The following MCC variants were observed in gnomAD, a reference collection of about 807,000 sequenced individuals.
MCC encodes MCC regulator of Wnt signaling pathway.
Under a neutral mutation model 116.2 loss-of-function variants are expected in MCC, and 90 were observed. That is an observed-to-expected ratio of 0.77 (90% CI 0.65 to 0.92). The LOEUF is 0.92. MCC is among the 40% of genes least tolerant of loss of function. The pLI, the probability that MCC is intolerant of heterozygous loss-of-function variation, is 0.00. For missense variants in MCC, 1,516 were observed against 1,312.2 expected, an observed-to-expected ratio of 1.16 and a Z score of -2.40; for synonymous variants, 578 against 510.5, an observed-to-expected ratio of 1.13 and a Z score of -1.78.
At chr5:113,101,333 C>G (rs1756395185) in intron 8 of MCC, among the ~76,000 whole-genome samples, 1 of 150,562 alleles carries the variant, frequency 6.6e-6, no homozygotes, top group South Asian at 2.1e-4. Context: ...AGAGCAGGTA[C>G]AATAAAGCTA....
intron 1 of MCC, among the ~76,000 whole-genome samples, chr5:113,405,834 TGTA>T (rs1347794667): frequency 6.6e-6 from 1 of 152,120 alleles, no homozygotes; most frequent in Non-Finnish European, 1.5e-5. Context: ...AAAAAAAAGT[TGTA>T]GTTTTGTACC....
At chr5:113,424,452 C>T (rs1770430524) in intron 1 of MCC, among the ~76,000 whole-genome samples, 1 of 152,124 alleles carries the variant, frequency 6.6e-6, no homozygotes, top group South Asian at 2.1e-4. Flanking sequence ...TGATGGCTCA[C>T]ACCTGTAATC....
intron 1 of MCC, among the ~76,000 whole-genome samples, chr5:113,487,308 A>T (rs555510694): frequency 7.9e-5 from 12 of 152,270 alleles, no homozygotes; most frequent in Admixed American, 3.9e-4. Flanking sequence ...TGCACAACTT[A>T]GGCTGCTCCT....
intron 10 of MCC, 65 bp downstream of exon 10, chr5:113,084,036 C>G: frequency 7.8e-7 from 1 of 1,274,766 alleles, no homozygotes; most frequent in Non-Finnish European, 1.1e-6. Context: ...CTTCTGTCAT[C>G]TATAATCCAT....
At chr5:113,219,214 A>G (rs1581267334) in intron 3 of MCC, among the ~76,000 whole-genome samples, 1 of 152,190 alleles carries the variant, frequency 6.6e-6, no homozygotes, top group East Asian at 1.9e-4. Flanking sequence ...TGAAGATTTC[A>G]TTTGAACAAA....
rs753776999 is a variant in MCC at position 113,434,347 on chromosome 5, C to T, written c.171-49135G>A. ...TTGCTTAATGCCATTCGACCACTGTCATCCCGCAGGCAGCGCTTGGAGAAG... is the reference window on the plus strand; with the variant it reads ...TTGCTTAATGCCATTCGACCACTGTTATCCCGCAGGCAGCGCTTGGAGAAG... On this transcript the variant is annotated intron_variant, in intron 1 of 18. Coordinates refer to ENST00000408903, the MANE Select transcript of MCC (RefSeq NM_001085377.2). This position sits in a 1 kb window ranked among gnomAD's most constrained non-coding sequence, Gnocchi z 4.2. The T allele has an allele frequency of 2.5e-6, 4 of 1,613,838 alleles. No individual in the cohort carries two copies. The highest frequency in any genetic ancestry group is 3.4e-6 in the Non-Finnish European group (4 of 1,179,844).
intron 3 of MCC, among the ~76,000 whole-genome samples, chr5:113,197,880 T>C (rs183230913): frequency 4.6e-5 from 7 of 152,288 alleles, no homozygotes; most frequent in Non-Finnish European, 1.0e-4. Flanking sequence ...CTGCGTTCCG[T>C]AAACCCAGGC....
rs1189330647 is a variant in MCC, at chr5:113,022,974, G to A, written c.*4328C>T. ...AGCAAAAATGTATGGTGATCTGCATGTGAAACTGTCTTTCTCTACACAGGT... is the reference window on the plus strand; with the variant it reads ...AGCAAAAATGTATGGTGATCTGCATATGAAACTGTCTTTCTCTACACAGGT... On this transcript the variant is annotated 3_prime_UTR_variant, in exon 19 of 19. Transcript: ENST00000408903. 1 of 152,210 alleles carries A rather than the reference G, an allele frequency of 6.6e-6. No individual in the cohort carries two copies. Among genetic ancestry groups the A allele is most frequent in the East Asian group, 1.9e-4 (1 of 5,200 alleles). 9.4% of individuals were successfully genotyped at this position (152,210 alleles called of 1,614,324 possible).
intron 8 of MCC, among the ~76,000 whole-genome samples, chr5:113,094,139 C>A (rs1287983608): frequency 1.3e-5 from 2 of 152,152 alleles, no homozygotes; most frequent in Non-Finnish European, 2.9e-5. Context: ...TTAGAGCCCT[C>A]AAATAATCAG....
intron 1 of MCC, among the ~76,000 whole-genome samples, chr5:113,476,128 A>T (rs1172700391): frequency 6.6e-6 from 1 of 152,240 alleles, no homozygotes; most frequent in Non-Finnish European, 1.5e-5. Flanking sequence ...TGAACGAATT[A>T]GTTTACAGAT....
At chr5:113,055,897 G>C (rs890114515) in intron 14 of MCC, among the ~76,000 whole-genome samples, 2 of 152,194 alleles carry the variant, frequency 1.3e-5, no homozygotes, top group Non-Finnish European at 2.9e-5. Context: ...TCCCCCAAAA[G>C]GGAAAAAATT....
At chr5:113,175,023 A>G (rs1485166600) in intron 3 of MCC, among the ~76,000 whole-genome samples, 1 of 152,184 alleles carries the variant, frequency 6.6e-6, no homozygotes, top group Non-Finnish European at 1.5e-5. Context: ...AATAAACACC[A>G]AATTGTTAAT....
chr5:113,289,405 T>C (rs1766397615), intron 3 of MCC, among the ~76,000 whole-genome samples: 1 of 152,022 alleles, frequency 6.6e-6, no homozygotes, highest in Non-Finnish European at 1.5e-5. Context: ...TTGTGGCTTC[T>C]GGAGTGGGTT....
At position 113,340,714 on chromosome 5, in the gene MCC, G is replaced by C. The variant is rs771580007; in HGVS notation, c.432C>G (p.Ala144=). 6.2e-7 allele frequency: 1 copy of C among 1,613,292 alleles called. No homozygotes were observed. Among genetic ancestry groups the C allele is most frequent in the Non-Finnish European group, 8.5e-7 (1 of 1,179,990 alleles). The change falls in exon 3 of 19, where the codon GCC becomes GCG. Residue 144 remains alanine, a synonymous_variant. Transcript: ENST00000408903. ...CAGAGTCGTATTCCCAGCTCTCCCTGGCTGCTGATAAGGCACCTAAGTCCG... is the reference window on the plus strand; with the variant it reads ...CAGAGTCGTATTCCCAGCTCTCCCTCGCTGCTGATAAGGCACCTAAGTCCG... ...SDNSLGALSA[A]RESWEYDSGA...
chr5:113,112,995 G>T (rs1489149553), intron 6 of MCC, among the ~76,000 whole-genome samples: 3 of 152,186 alleles, frequency 2.0e-5, no homozygotes, highest in Non-Finnish European at 2.9e-5. Context: ...AAGTCACAGA[G>T]AATTTTAGCC....
At position 113,268,751 on chromosome 5, in the gene MCC, A is replaced by G. The variant is rs371625000; in HGVS notation, c.627+71768T>C. Among the ~76,000 whole-genome samples the G allele has an allele frequency of 1.8e-4, 28 of 152,314 alleles. 4 individuals carry two copies. Among genetic ancestry groups the G allele is most frequent in the Admixed American group, 6.5e-4 (10 of 15,298 alleles). On this transcript the variant is annotated intron_variant, in intron 3 of 18. Coordinates refer to ENST00000408903, the MANE Select transcript of MCC (RefSeq NM_001085377.2). ...TTGGGAGGTGGATTTCTTTAAAATC[A>G]TCCCTTAGTAAATCTTTGGTTACCT...
chr5:113,351,103 C>T (rs1768257796), intron 2 of MCC, among the ~76,000 whole-genome samples: 2 of 152,006 alleles, frequency 1.3e-5, no homozygotes, highest in Non-Finnish European at 2.9e-5. Context: ...TAAATTTGTA[C>T]AACCACTATG....
intron 3 of MCC, among the ~76,000 whole-genome samples, chr5:113,241,859 T>C (rs541637618): frequency 3.3e-4 from 50 of 152,246 alleles, no homozygotes; most frequent in Admixed American, 9.8e-4. Context: ...ACATTCAGAT[T>C]GACAAACACT....
At chr5:113,073,301 G>C (rs1253319919) in intron 11 of MCC, among the ~76,000 whole-genome samples, 2 of 152,170 alleles carry the variant, frequency 1.3e-5, no homozygotes, top group African/African-American at 4.8e-5. Flanking sequence ...GCGTGCGTGA[G>C]GCCCCTGGCC....
Sources: allele counts gnomAD v4.1 joint callset (sites outside exome capture counted in the v4.1 genomes callset), GRCh38; gene constraint gnomAD v4.1.1; non-coding constraint Gnocchi (gnomAD v3.1); transcripts MANE v1.5; gene names NCBI Gene and HGNC (gene_info 2026-07-23, HGNC 2026-07-21).